Variants in ZNF618 observed in about 807,000 individuals in gnomAD.
ZNF618 encodes the protein zinc finger protein 618.
In ZNF618, 34 loss-of-function variants were observed where a neutral mutation model predicts 103.0. The ratio of observed to expected loss-of-function variants is 0.33; its 90% CI spans 0.25 to 0.44. The LOEUF is 0.44. ZNF618 is among the 20% of genes least tolerant of loss of function. ZNF618 has a pLI of 1.00. For synonymous variants in ZNF618, 551 were observed against 542.2 expected (o/e 1.02, Z -0.23); for missense variants, 1,059 against 1,295.4 (o/e 0.82, Z 2.80).
Position 114,050,430 on chromosome 9 carries a change from CTT to C in ZNF618, c.*265_*266del, listed in dbSNP as rs1379972994. On this transcript the variant is annotated 3_prime_UTR_variant, in exon 15 of 15. Coordinates refer to ENST00000374126, the MANE Select transcript of ZNF618 (RefSeq NM_001318042.2). ...GTGCTCATCTCCATGGCCAGAGAAA[CTT>C]TGCACACACGCACACACACACACAC... is the stretch of plus-strand genomic sequence containing the variant. 10 of 366,492 alleles carry C rather than the reference CTT, an allele frequency of 2.7e-5. No homozygotes were observed. The highest frequency in any genetic ancestry group is 4.3e-5 in the Non-Finnish European group (9 of 207,840). The allele number at this position is 366,492 out of a possible 1,614,324, so 22.7% of individuals were successfully genotyped here.
chr9:114,035,765 C>T (rs114180465), intron 12 of ZNF618, among the ~76,000 whole-genome samples: 2,476 of 152,188 alleles, frequency 0.016, 72 homozygotes, highest in African/African-American at 0.057. Flanking sequence ...CCTCCCTTTC[C>T]GCATCAGATC....
chr9:113,930,190 C>T (rs1316737986), intron 1 of ZNF618, among the ~76,000 whole-genome samples: 1 of 152,074 alleles, frequency 6.6e-6, no homozygotes, highest in Non-Finnish European at 1.5e-5. Context: ...GGAATTTCCC[C>T]CAAGTTTTTT....
intron 1 of ZNF618, among the ~76,000 whole-genome samples, chr9:113,958,584 A>C (rs574219134): frequency 1.3e-5 from 2 of 152,182 alleles, no homozygotes; most frequent in African/African-American, 4.8e-5. Context: ...GGATCTCCCC[A>C]TTTTACAGAT....
intron 11 of ZNF618, among the ~76,000 whole-genome samples, chr9:114,032,247 G>A (rs1199609232): frequency 6.6e-6 from 1 of 152,236 alleles, no homozygotes; most frequent in East Asian, 1.9e-4. Flanking sequence ...ATGCACTTCG[G>A]TGGGGCCCGT....
At chr9:113,895,238 C>A (rs894944641) in intron 1 of ZNF618, among the ~76,000 whole-genome samples, 1 of 152,056 alleles carries the variant, frequency 6.6e-6, no homozygotes, top group Non-Finnish European at 1.5e-5. Context: ...TCATTCCCCT[C>A]CCCCACTATA....
intron 1 of ZNF618, among the ~76,000 whole-genome samples, chr9:113,945,354 AAG>A (rs1834918718): frequency 6.6e-6 from 1 of 152,198 alleles, no homozygotes; most frequent in Non-Finnish European, 1.5e-5. Context: ...TCATGGGGGA[AAG>A]AGAGGAGTGT....
chr9:113,886,132 G>T (rs1356993977), intron 1 of ZNF618, among the ~76,000 whole-genome samples: 9 of 152,176 alleles, frequency 5.9e-5, no homozygotes, highest in Admixed American at 3.9e-4. Context: ...GAGGAGGCCT[G>T]AGTATCTCTT....
intron 1 of ZNF618, among the ~76,000 whole-genome samples, chr9:113,961,664 C>T (rs1836852676): frequency 6.6e-6 from 1 of 152,216 alleles, no homozygotes; most frequent in Non-Finnish European, 1.5e-5. Flanking sequence ...AGATACATAC[C>T]ACTGAATGTG....
chr9:113,897,878 C>T (rs60678033), intron 1 of ZNF618, among the ~76,000 whole-genome samples: 7,755 of 152,210 alleles, frequency 0.051, 629 homozygotes, highest in East Asian at 0.3. Context: ...ACTGCAACCT[C>T]TGCCTCCCAG....
chr9:114,033,815 G>A (rs1012326203), intron 12 of ZNF618, among the ~76,000 whole-genome samples: 1 of 150,524 alleles, frequency 6.6e-6, no homozygotes, highest in African/African-American at 2.5e-5. Context: ...CTACATATTA[G>A]GTGTCAGCCT....
At chr9:113,887,006 G>A (rs1475290243) in intron 1 of ZNF618, among the ~76,000 whole-genome samples, 1 of 105,714 alleles carries the variant, frequency 9.5e-6, no homozygotes, top group Non-Finnish European at 1.8e-5. Flanking sequence ...TTTTAACAAT[G>A]TGGCTACTAG....
intron 1 of ZNF618, among the ~76,000 whole-genome samples, chr9:113,938,632 A>C (rs1834260423): frequency 6.9e-6 from 1 of 144,698 alleles, no homozygotes; most frequent in Non-Finnish European, 1.5e-5. Flanking sequence ...GCAGTGGCGC[A>C]GTCTTGGCTC....
intron 10 of ZNF618, among the ~76,000 whole-genome samples, chr9:114,021,178 C>G (rs1357472641): frequency 6.6e-6 from 1 of 151,962 alleles, no homozygotes; most frequent in Non-Finnish European, 1.5e-5. Flanking sequence ...AAAGTTACAA[C>G]CTGGGGATGA....
intron 3 of ZNF618, among the ~76,000 whole-genome samples, chr9:113,997,986 A>T (rs570824294): frequency 2.6e-5 from 4 of 152,346 alleles, no homozygotes; most frequent in African/African-American, 9.6e-5. Context: ...TTGGGTAGAA[A>T]TTGTGTGTTC....
chr9:114,023,876 A>G (rs115471391), intron 10 of ZNF618, among the ~76,000 whole-genome samples: 2,601 of 152,184 alleles, frequency 0.017, 74 homozygotes, highest in African/African-American at 0.06. Flanking sequence ...GATGCTTTTA[A>G]GTATTTCTTG....
intron 1 of ZNF618, among the ~76,000 whole-genome samples, chr9:113,920,622 A>C (rs1356125426): frequency 1.3e-5 from 2 of 152,062 alleles, no homozygotes; most frequent in Non-Finnish European, 2.9e-5. Context: ...GATTGGTCTC[A>C]AACTCCTGAC....
intron 12 of ZNF618, among the ~76,000 whole-genome samples, chr9:114,033,523 T>G (rs113577593): frequency 1.3e-5 from 2 of 151,960 alleles, no homozygotes; most frequent in Non-Finnish European, 2.9e-5. Context: ...GGGTTTAAAC[T>G]GAGGCTCTAG....
rs2130669256 is a variant in ZNF618 at position 113,876,351 on chromosome 9, C to T, written c.-30C>T. 2 of 1,183,726 alleles carry T rather than the reference C, an allele frequency of 1.7e-6. No homozygotes were observed. Among genetic ancestry groups the T allele is most frequent in the African/African-American group, 1.6e-5 (1 of 61,926 alleles). The allele number at this position is 1,183,726 out of a possible 1,614,324, so 73.3% of individuals were successfully genotyped here. A position where few individuals can be genotyped will look rare whatever the true frequency, so the allele number is the denominator to read the frequency against. On this transcript the variant is annotated 5_prime_UTR_variant, in exon 1 of 15. Coordinates refer to ENST00000374126, the MANE Select transcript of ZNF618 (RefSeq NM_001318042.2). ...AGCCCGGCCCGGGAGGAGCAGGACG[C>T]GCCGGGGCCGCCTCCTCCCGCACGG...
At chr9:114,036,833 A>G (rs1203401694) in intron 13 of ZNF618, among the ~76,000 whole-genome samples, 2 of 152,234 alleles carry the variant, frequency 1.3e-5, no homozygotes, top group Non-Finnish European at 1.5e-5. Flanking sequence ...CTAACACCCT[A>G]TGTCCCAGAA....
Sources: gnomAD v4.1 joint callset for allele counts (sites outside exome capture counted in the v4.1 genomes callset) on GRCh38, gnomAD v4.1.1 for gene constraint, MANE v1.5 for transcripts, NCBI Gene and HGNC (gene_info 2026-07-23, HGNC 2026-07-21) for gene names.